Variants in PHF7 observed in about 807,000 individuals in gnomAD.
PHF7 encodes PHD finger protein 7.
A neutral mutation model predicts 47.5 loss-of-function variants in PHF7; 24 were observed. The ratio of observed to expected loss-of-function variants is 0.51; its 90% CI spans 0.37 to 0.71. PHF7 has a LOEUF of 0.71. PHF7 is among the 30% of genes least tolerant of loss of function. The pLI is 0.00. For synonymous variants in PHF7, 156 were observed against 153.8 expected (o/e 1.01, Z -0.11); for missense variants, 361 against 456.8 (o/e 0.79, Z 1.91).
At position 52,410,678 on chromosome 3, in the gene PHF7, C is replaced by T. The variant is rs894665713; in HGVS notation, c.-639C>T. 3.3e-5 allele frequency: 5 copies of T among 152,632 alleles called. No homozygotes were observed. Among genetic ancestry groups the T allele is most frequent in the African/African-American group, 1.2e-4 (5 of 41,474 alleles). The allele number at this position is 152,632 out of a possible 1,614,324, so 9.5% of individuals were successfully genotyped here. On this transcript the variant is annotated 5_prime_UTR_variant, in exon 1 of 11. Coordinates refer to ENST00000327906, the MANE Select transcript of PHF7 (RefSeq NM_016483.7). ...CGCTCGCAGTCTTCGCCGGCGCAGT[C>T]ACCGCGCAGGGCGGCCGCCCGGAGG...
chr3:52,416,781 C>T (rs1203511936), intron 4 of PHF7, among the ~76,000 whole-genome samples: 1 of 149,252 alleles, frequency 6.7e-6, no homozygotes, highest in African/African-American at 2.5e-5. Flanking sequence ...TGCAGTGAGC[C>T]GAGATCACGC....
intron 6 of PHF7, among the ~76,000 whole-genome samples, chr3:52,420,694 G>C (rs1432725599): frequency 6.6e-6 from 1 of 152,226 alleles, no homozygotes; most frequent in Admixed American, 6.5e-5. Context: ...TCAGGAACGA[G>C]AGGCTATGGA....
chr3:52,413,866 G>A (rs769195178), intron 2 of PHF7, 130 bp from the exon 3 acceptor site: 6 of 673,098 alleles, frequency 8.9e-6, no homozygotes, highest in South Asian at 1.8e-5. Flanking sequence ...ATGAAAAGAA[G>A]CTGATGTCTT....
At chr3:52,422,176 C>T (rs200860071) in intron 8 of PHF7, 46 bp from the exon 9 acceptor site, 379 of 1,334,092 alleles carry the variant, frequency 2.8e-4, no homozygotes, top group Non-Finnish European at 3.4e-4. Flanking sequence ...ACAAAAGTTT[C>T]ACCAACCCAT....
intron 9 of PHF7, 158 bp downstream of exon 9, chr3:52,422,496 G>A: frequency 4.5e-6 from 3 of 668,248 alleles, no homozygotes; most frequent in Non-Finnish European, 8.0e-6. Context: ...ACTCACTTGT[G>A]TGCACGTGAA....
chr3:52,422,101 G>GTTCA, intron 8 of PHF7, 121 bp from the exon 9 acceptor site: 1 of 757,288 alleles, frequency 1.3e-6, no homozygotes, highest in Non-Finnish European at 2.4e-6. Context: ...TGTTGGAAGT[G>GTTCA]TTCAGGCAGC....
intron 4 of PHF7, among the ~76,000 whole-genome samples, chr3:52,416,090 A>G (rs1705614949): frequency 6.6e-6 from 1 of 151,436 alleles, no homozygotes; most frequent in Non-Finnish European, 1.5e-5. Flanking sequence ...CTGGGTGTGT[A>G]TTGGTATTTC....
Position 52,423,407 on chromosome 3 carries a change from G to A in PHF7, c.*90G>A. 1.3e-6 allele frequency: 1 copy of A among 783,504 alleles called. No individual in the cohort carries two copies. Among genetic ancestry groups the A allele is most frequent in the Middle Eastern group, 3.1e-4 (1 of 3,182 alleles). The allele number at this position is 783,504 out of a possible 1,614,324, so 48.5% of individuals were successfully genotyped here. A position where few individuals can be genotyped will look rare whatever the true frequency, so the allele number is the denominator to read the frequency against. The stretch of plus-strand genomic sequence containing the variant: ...GGGAGGGAGCACTCTGGGACTGTGA[G>A]ACAAGGAAGCAGGGCCAGCAGTGAG... On this transcript the variant is annotated 3_prime_UTR_variant, in exon 11 of 11. Transcript: ENST00000327906.
intron 4 of PHF7, among the ~76,000 whole-genome samples, chr3:52,415,871 T>C (rs1372486560): frequency 6.6e-6 from 1 of 152,276 alleles, no homozygotes; most frequent in Non-Finnish European, 1.5e-5. Context: ...TTTGTGAACA[T>C]GTGCTTTCAC....
intron 2 of PHF7, 27 bp from the exon 3 acceptor site, chr3:52,413,969 C>T (rs918169825): frequency 1.3e-6 from 2 of 1,545,032 alleles, no homozygotes; most frequent in African/African-American, 1.4e-5. Context: ...CAAAGAACAC[C>T]TTGTGCTTCT....
In PHF7 at chr3:52,420,679, G is replaced by A. The variant is rs897935776; in HGVS notation, c.414-224G>A. On this transcript the variant is annotated intron_variant, in intron 6 of 10. Coordinates refer to ENST00000327906, the MANE Select transcript of PHF7 (RefSeq NM_016483.7). ...TAGACAGCTGCTCAGCACTAAGTGG[G>A]GCTTTCAGGAACGAGAGGCTATGGA... 3.9e-5 allele frequency among the ~76,000 whole-genome samples: 6 copies of A among 152,136 alleles called. No individual in the cohort carries two copies. The East Asian group carries it at 5.8e-4, about 15-fold the overall frequency.
intron 4 of PHF7, 134 bp from the exon 5 acceptor site, chr3:52,419,699 G>A (rs905626004): frequency 3.9e-5 from 27 of 694,490 alleles, no homozygotes; most frequent in African/African-American, 1.9e-4. Context: ...CCAAAGTGCC[G>A]GGATTACAGG....
intron 5 of PHF7, 145 bp downstream of exon 5, chr3:52,420,079 C>G (rs1157083719): frequency 1.4e-6 from 1 of 731,922 alleles, no homozygotes; most frequent in Non-Finnish European, 2.4e-6. Context: ...GTCCCATATT[C>G]CTCTGGGGTA....
chr3:52,414,834 A>G (rs1445667035), intron 4 of PHF7: 1 of 167,412 alleles, frequency 6.0e-6, no homozygotes, highest in African/African-American at 2.4e-5. Flanking sequence ...CCTTGTCTCT[A>G]CAAAAAAATT....
chr3:52,422,503 T>G, intron 9 of PHF7, 165 bp downstream of exon 9: 2 of 657,028 alleles, frequency 3.0e-6, no homozygotes. Context: ...TGTGTGCACG[T>G]GAACACGTCT....
rs1705733890 is a variant in PHF7, at chr3:52,419,843, G to A, written c.197G>A (p.Ser66Asn). 1 of 1,596,148 alleles carries A rather than the reference G, an allele frequency of 6.3e-7. No homozygotes were observed. The highest frequency in any genetic ancestry group is 2.2e-5 in the East Asian group (1 of 44,756). Residue 66 changes from serine to asparagine, a missense_variant, in exon 5 of 11, where the codon AGT becomes AAT. Transcript: ENST00000327906. ...CTACTGCCCCCGCAGATCTTATCTA[G>A]TAAGCTGCCTCAGAGGGGCCAGTCC... Reference protein sequence around the residue: ...SVHYFCLILSSKLPQRGQSNR... With the variant: ...SVHYFCLILSNKLPQRGQSNR...
intron 2 of PHF7, 101 bp from the exon 3 acceptor site, chr3:52,413,895 T>A (rs1239868892): frequency 7.8e-6 from 6 of 765,082 alleles, no homozygotes; most frequent in Non-Finnish European, 1.4e-5. Flanking sequence ...GATATGTTGG[T>A]CCTTCATCAG....
chr3:52,411,815 G>A (rs1192521641), intron 1 of PHF7, among the ~76,000 whole-genome samples: 1 of 152,216 alleles, frequency 6.6e-6, no homozygotes, highest in African/African-American at 2.4e-5. Flanking sequence ...ATTGGAAATA[G>A]GAGACAAGGT....
rs981334652 is a variant in PHF7 at position 52,413,663 on chromosome 3, C to T, written c.42-333C>T. 3.3e-5 allele frequency among the ~76,000 whole-genome samples: 5 copies of T among 152,230 alleles called. No individual in the cohort carries two copies. In the South Asian group the frequency reaches 1.0e-3, roughly 32 times the overall value. The stretch of plus-strand genomic sequence containing the variant: ...CAGCCTGGCCAACATGGTGAAACCC[C>T]GTCTCTACTAAAAATATAGAAATTA... On this transcript the variant is annotated intron_variant, in intron 2 of 10. Coordinates refer to ENST00000327906, the MANE Select transcript of PHF7 (RefSeq NM_016483.7).
Sources: allele counts gnomAD v4.1 joint callset (sites outside exome capture counted in the v4.1 genomes callset), GRCh38; gene constraint gnomAD v4.1.1; transcripts MANE v1.5; gene names NCBI Gene and HGNC (gene_info 2026-07-23, HGNC 2026-07-21).